The following NAA35 variants were observed in gnomAD, a reference collection of about 807,000 sequenced individuals.
The protein encoded by NAA35 is N-alpha-acetyltransferase 35, NatC auxiliary subunit.
NAA35 carries 18 observed loss-of-function variants against 101.7 expected under a neutral mutation model. The observed-to-expected ratio is 0.18, with a 90% CI of 0.12 to 0.26. The LOEUF is 0.26. Among genes scored for constraint, NAA35 ranks in the 10% least tolerant of loss-of-function variants. The pLI, the probability that NAA35 is intolerant of heterozygous loss-of-function variation, is 1.00. For missense variants in NAA35, 601 were observed against 886.8 expected (o/e 0.68, Z 4.09); for synonymous variants, 267 against 273.1 (o/e 0.98, Z 0.22).
At chr9:85,994,912 G>A (rs1157404892) in intron 11 of NAA35, among the ~76,000 whole-genome samples, 1 of 152,034 alleles carries the variant, frequency 6.6e-6, no homozygotes, top group Non-Finnish European at 1.5e-5. Flanking sequence ...AGAGAGAAAC[G>A]TTTGAAGTGA....
chr9:85,941,846 G>T, intron 1 of NAA35: 1 of 1,066,854 alleles, frequency 9.4e-7, no homozygotes, highest in Non-Finnish European at 1.1e-6. Context: ...AAAGTTGGAA[G>T]CTCTGGAGTT....
intron 6 of NAA35, among the ~76,000 whole-genome samples, chr9:85,962,535 C>G (rs1031666619): frequency 1.4e-5 from 2 of 147,824 alleles, no homozygotes; most frequent in African/African-American, 5.0e-5. Flanking sequence ...TTCTGAAGTT[C>G]ATTGACTACC....
chr9:85,945,311 G>A (rs879708870), intron 2 of NAA35, among the ~76,000 whole-genome samples: 3 of 152,178 alleles, frequency 2.0e-5, no homozygotes, highest in Non-Finnish European at 2.9e-5. Context: ...ATCTTCATAT[G>A]TAGATTTAGG....
chr9:85,971,363 T>C (rs1160386550), intron 6 of NAA35, among the ~76,000 whole-genome samples: 1 of 152,176 alleles, frequency 6.6e-6, no homozygotes, highest in Non-Finnish European at 1.5e-5. Context: ...TTTTTTCTCT[T>C]TGTCTTCTTA....
intron 6 of NAA35, 111 bp from the exon 7 acceptor site, chr9:85,974,856 T>G (rs1434369175): frequency 2.7e-6 from 2 of 746,598 alleles, no homozygotes; most frequent in South Asian, 1.8e-5. Flanking sequence ...CCATTTCTCT[T>G]TGTTTATTAA....
At chr9:85,978,405 T>G (rs199709551) in intron 11 of NAA35, 24 bp downstream of exon 11, 2 of 1,441,442 alleles carry the variant, frequency 1.4e-6, no homozygotes, top group African/African-American at 2.8e-5. Context: ...TTGCTCCTAC[T>G]CTTTCTTTTC....
chr9:85,955,986 T>C (rs1438104163), intron 2 of NAA35, among the ~76,000 whole-genome samples: 1 of 152,204 alleles, frequency 6.6e-6, no homozygotes, highest in Non-Finnish European at 1.5e-5. Flanking sequence ...AATTAGATTA[T>C]GGTAACGTGG....
chr9:85,977,320 G>A (rs2118055700), intron 9 of NAA35, 43 bp from the exon 10 acceptor site: 1 of 1,326,966 alleles, frequency 7.5e-7, no homozygotes, highest in Non-Finnish European at 1.1e-6. Context: ...TCCTTTCACG[G>A]GCTTTGCATC....
At chr9:86,015,757 G>C (rs1832177694) in intron 17 of NAA35, 17 of 965,560 alleles carry the variant, frequency 1.8e-5, no homozygotes, top group Non-Finnish European at 2.1e-5. Flanking sequence ...CATCTTAGTT[G>C]TCCCCTTCAC....
At chr9:86,000,028 A>C (rs562771578) in intron 12 of NAA35, among the ~76,000 whole-genome samples, 3 of 152,086 alleles carry the variant, frequency 2.0e-5, no homozygotes, top group Non-Finnish European at 2.9e-5. Context: ...ACATAAATAA[A>C]CACTTGGCCT....
In NAA35 at chr9:86,023,814, C is replaced by T. The variant is rs1832671660; in HGVS notation, c.*1854C>T. The stretch of plus-strand genomic sequence containing the variant: ...TAGATTTATCAGTGTATGTTACTGA[C>T]AGAATCATGTGGTTTCCTTTAAGTA... On this transcript the variant is annotated 3_prime_UTR_variant, in exon 23 of 23. Transcript: ENST00000361671. 6.6e-6 allele frequency among the ~76,000 whole-genome samples: 1 copy of T among 152,188 alleles called. No homozygotes were observed. The highest frequency in any genetic ancestry group is 1.5e-5 in the Non-Finnish European group (1 of 68,032).
intron 11 of NAA35, among the ~76,000 whole-genome samples, chr9:85,989,737 G>A (rs755785864): frequency 1.2e-4 from 19 of 152,206 alleles, no homozygotes; most frequent in African/African-American, 4.1e-4. Context: ...TTGTAGAACT[G>A]TGGTTAAAAC....
intron 11 of NAA35, among the ~76,000 whole-genome samples, chr9:85,980,370 G>T (rs1234279745): frequency 6.8e-6 from 1 of 147,406 alleles, no homozygotes; most frequent in Non-Finnish European, 1.5e-5. Flanking sequence ...GGGGCTGAAA[G>T]TTCCAGCCTT....
In NAA35 at chr9:86,023,630, G is replaced by A. The variant is rs550858095; in HGVS notation, c.*1670G>A. On this transcript the variant is annotated 3_prime_UTR_variant, in exon 23 of 23. Transcript: ENST00000361671. Reference sequence around the variant, plus strand: ...GCAACAAGGGCCCTGCTAGATGATGGGATCACTTTTAATTAAGAGGGTGTG... The same window carrying A: ...GCAACAAGGGCCCTGCTAGATGATGAGATCACTTTTAATTAAGAGGGTGTG... Among the ~76,000 whole-genome samples the A allele has an allele frequency of 1.3e-5, 2 of 152,110 alleles. No homozygotes were observed. The highest frequency in any genetic ancestry group is 2.9e-5 in the Non-Finnish European group (2 of 68,022).
intron 6 of NAA35, among the ~76,000 whole-genome samples, chr9:85,963,231 C>T (rs114023569): frequency 0.014 from 2,056 of 149,508 alleles, 45 homozygotes; most frequent in African/African-American, 0.047. Context: ...TAAATGTATA[C>T]CCAATATGTT....
chr9:85,966,937 TCTC>T (rs1829767177), intron 6 of NAA35, among the ~76,000 whole-genome samples: 2 of 152,158 alleles, frequency 1.3e-5, no homozygotes, highest in South Asian at 4.1e-4. Context: ...CGAAACCCCG[TCTC>T]TACTGAAAAT....
intron 21 of NAA35, 54 bp from the exon 22 acceptor site, chr9:86,020,833 AAG>A (rs200622550): frequency 0.027 from 38,681 of 1,433,156 alleles, 656 homozygotes; most frequent in Non-Finnish European, 0.03. Flanking sequence ...AAAAAAGAAA[AAG>A]AGAAATTTTG....
intron 2 of NAA35, among the ~76,000 whole-genome samples, chr9:85,947,676 C>T (rs907573740): frequency 7.2e-5 from 11 of 152,160 alleles, no homozygotes; most frequent in Non-Finnish European, 1.2e-4. Flanking sequence ...AAGTACATGC[C>T]AGGTATACTG....
intron 11 of NAA35, among the ~76,000 whole-genome samples, chr9:85,979,072 A>G (rs1238707278): frequency 1.3e-5 from 2 of 152,164 alleles, no homozygotes; most frequent in Non-Finnish European, 2.9e-5. Flanking sequence ...CACATGTTAG[A>G]AATGATTGTT....
Sources: gnomAD v4.1 joint callset for allele counts (sites outside exome capture counted in the v4.1 genomes callset) on GRCh38, gnomAD v4.1.1 for gene constraint, MANE v1.5 for transcripts, NCBI Gene and HGNC (gene_info 2026-07-23, HGNC 2026-07-21) for gene names.